Variants in DIAPH3 observed in about 807,000 individuals in gnomAD.
DIAPH3 encodes protein diaphanous homolog 3.
DIAPH3 carries 117 observed loss-of-function variants against 144.3 expected under a neutral mutation model. That is an observed-to-expected ratio of 0.81 (90% CI 0.70 to 0.95). The LOEUF is 0.95. Ranked by LOEUF, DIAPH3 falls within the 40% of genes least tolerant of loss-of-function variation. DIAPH3 has a pLI of 0.00. For missense variants in DIAPH3, 1,421 were observed against 1,412.7 expected, an observed-to-expected ratio of 1.01 and a Z score of -0.09; for synonymous variants, 519 against 488.9, an observed-to-expected ratio of 1.06 and a Z score of -0.81.
intron 5 of DIAPH3, among the ~76,000 whole-genome samples, chr13:60,025,496 A>G (rs1297258224): frequency 6.6e-6 from 1 of 151,278 alleles, no homozygotes; most frequent in Non-Finnish European, 1.5e-5. Flanking sequence ...AACAGGCAGA[A>G]GCTCCCACCA....
At chr13:60,056,781 C>G (rs1371326953) in intron 4 of DIAPH3, among the ~76,000 whole-genome samples, 1 of 151,802 alleles carries the variant, frequency 6.6e-6, no homozygotes, top group Non-Finnish European at 1.5e-5. Flanking sequence ...CCAAATCTAT[C>G]TGGGGGAGTG....
chr13:59,978,150 G>T (rs2050780057), intron 14 of DIAPH3, among the ~76,000 whole-genome samples: 1 of 151,714 alleles, frequency 6.6e-6, no homozygotes, highest in Admixed American at 6.6e-5. Context: ...TCATAAATGT[G>T]AGAAACTTTT....
chr13:60,005,785 A>G (rs2052831865), intron 9 of DIAPH3, among the ~76,000 whole-genome samples: 3 of 152,136 alleles, frequency 2.0e-5, no homozygotes, highest in Admixed American at 2.0e-4. Flanking sequence ...CCTGACCTGA[A>G]ACGCACATTT....
intron 25 of DIAPH3, 120 bp downstream of exon 25, chr13:59,810,668 T>G (rs1159868737): frequency 9.1e-7 from 1 of 1,098,606 alleles, no homozygotes; most frequent in African/African-American, 1.6e-5. Flanking sequence ...TTCTATGGTT[T>G]AATTACAGAA....
At chr13:59,709,126 T>C (rs1330453188) in intron 27 of DIAPH3, among the ~76,000 whole-genome samples, 1 of 152,226 alleles carries the variant, frequency 6.6e-6, no homozygotes, top group African/African-American at 2.4e-5. Context: ...GAATACATAA[T>C]CTTTTGTATT....
intron 22 of DIAPH3, among the ~76,000 whole-genome samples, chr13:59,846,703 C>A (rs1380185671): frequency 1.3e-5 from 2 of 151,770 alleles, no homozygotes; most frequent in Non-Finnish European, 2.9e-5. Context: ...CAAAAAGATA[C>A]AAAACTAAAA....
At chr13:59,678,352 C>T (rs191719235) in intron 27 of DIAPH3, among the ~76,000 whole-genome samples, 28 of 152,252 alleles carry the variant, frequency 1.8e-4, no homozygotes, top group Admixed American at 6.5e-4. Flanking sequence ...AAGTCATAGG[C>T]ATTACCTTAA....
chr13:59,681,198 T>A lies in DIAPH3; in HGVS notation c.3320-14352A>T, dbSNP rs1233849491. Among the ~76,000 whole-genome samples the A allele has an allele frequency of 2.6e-5, 4 of 152,206 alleles. No homozygotes were observed. In the East Asian group the frequency reaches 5.8e-4, roughly 22 times the overall value. ...AAAAACAACAAAATGCCGGGCTCAGTGGCTCATGCCTGTAATCCCAACATT... is the reference window on the plus strand; with the variant it reads ...AAAAACAACAAAATGCCGGGCTCAGAGGCTCATGCCTGTAATCCCAACATT... On this transcript the variant is annotated intron_variant, in intron 27 of 27. Transcript: ENST00000400324.
intron 4 of DIAPH3, among the ~76,000 whole-genome samples, chr13:60,089,505 G>A (rs931200366): frequency 6.6e-6 from 1 of 151,630 alleles, no homozygotes; most frequent in African/African-American, 2.4e-5. Context: ...AAAATCCTCA[G>A]GCAGTTGTGG....
intron 24 of DIAPH3, among the ~76,000 whole-genome samples, chr13:59,819,792 T>A (rs2040963530): frequency 6.6e-6 from 1 of 151,654 alleles, no homozygotes; most frequent in Non-Finnish European, 1.5e-5. Flanking sequence ...TCTGAGCTTA[T>A]TGCTGCATAT....
intron 17 of DIAPH3, among the ~76,000 whole-genome samples, chr13:59,939,639 T>C (rs1159564582): frequency 2.0e-5 from 3 of 152,008 alleles, no homozygotes; most frequent in Non-Finnish European, 4.4e-5. Context: ...CTCAAACCAT[T>C]TACCCAGGAC....
Position 59,974,446 on chromosome 13 carries a change from T to C in DIAPH3, c.1556A>G (p.Glu519Gly). Residue 519 changes from glutamate to glycine, a missense_variant, in exon 15 of 28, where the codon GAG (glutamate) becomes GGG (glycine). By Grantham distance (98) the Glu-to-Gly change is moderately conservative (BLOSUM62 -2). Coordinates refer to ENST00000400324, the MANE Select transcript of DIAPH3 (RefSeq NM_001042517.2). The part of the protein sequence containing the change: ...ASELYKKFEK[E>G]FTDHQETQAE... Reference sequence around the variant, plus strand: ...CTGAGTTTCTTGGTGGTCGGTAAACTCTTTTTCAAACTGAAACAAATTAAA... The same window carrying C: ...CTGAGTTTCTTGGTGGTCGGTAAACCCTTTTTCAAACTGAAACAAATTAAA... The C allele has an allele frequency of 6.2e-7, 1 of 1,609,178 alleles. No homozygotes were observed. The highest frequency in any genetic ancestry group is 8.5e-7 in the Non-Finnish European group (1 of 1,178,552).
chr13:60,118,812 T>C (rs149627459), intron 2 of DIAPH3, among the ~76,000 whole-genome samples: 287 of 152,260 alleles, frequency 1.9e-3, no homozygotes, highest in African/African-American at 6.4e-3. Context: ...GAAATAAAAG[T>C]ACTATTCACT....
intron 27 of DIAPH3, among the ~76,000 whole-genome samples, chr13:59,675,820 C>T (rs1201003305): frequency 2.6e-5 from 4 of 152,140 alleles, no homozygotes; most frequent in African/African-American, 9.7e-5. Context: ...CATGATTAGG[C>T]CATGGCAAAT....
intron 25 of DIAPH3, among the ~76,000 whole-genome samples, chr13:59,805,761 T>TA (rs1337956886): frequency 6.6e-6 from 1 of 151,972 alleles, no homozygotes; most frequent in African/African-American, 2.4e-5. Flanking sequence ...ACTGCTTTCT[T>TA]AGTTTGGTTG....
intron 27 of DIAPH3, 36 bp downstream of exon 27, chr13:59,774,152 TA>T: frequency 6.3e-7 from 1 of 1,597,602 alleles, no homozygotes; most frequent in Non-Finnish European, 8.6e-7. Flanking sequence ...TAAAAGTAGA[TA>T]AGAAGAATGT....
At chr13:59,690,204 T>G (rs1023112699) in intron 27 of DIAPH3, among the ~76,000 whole-genome samples, 1 of 152,164 alleles carries the variant, frequency 6.6e-6, no homozygotes, top group South Asian at 2.1e-4. Flanking sequence ...GTGAGCACTT[T>G]ATGCCATGAT....
At chr13:59,924,665 T>TA in intron 18 of DIAPH3, 110 bp downstream of exon 18, 1 of 1,465,020 alleles carries the variant, frequency 6.8e-7, no homozygotes, top group Non-Finnish European at 9.1e-7. Flanking sequence ...ATCATGCATA[T>TA]AATAACAAAA....
At chr13:59,880,091 A>G (rs2044910649) in intron 20 of DIAPH3, among the ~76,000 whole-genome samples, 1 of 152,180 alleles carries the variant, frequency 6.6e-6, no homozygotes, top group African/African-American at 2.4e-5. Context: ...GAAGCGGTGC[A>G]AACCCACAAA....
Sources: allele counts gnomAD v4.1 joint callset (sites outside exome capture counted in the v4.1 genomes callset), GRCh38; gene constraint gnomAD v4.1.1; transcripts MANE v1.5; gene names NCBI Gene and HGNC (gene_info 2026-07-23, HGNC 2026-07-21).